ARHGEF3: variants seen among roughly 807,000 people sequenced by gnomAD.
The protein encoded by ARHGEF3 is Rho guanine nucleotide exchange factor 3.
ARHGEF3 carries 28 observed loss-of-function variants against 63.2 expected under a neutral mutation model. The ratio of observed to expected loss-of-function variants is 0.44; its 90% CI spans 0.33 to 0.61. ARHGEF3 has a LOEUF of 0.61. Among genes scored for constraint, ARHGEF3 ranks in the 20% least tolerant of loss-of-function variants. The pLI, the probability that ARHGEF3 is intolerant of heterozygous loss-of-function variation, is 0.03. For synonymous variants in ARHGEF3, 266 were observed against 254.2 expected, an observed-to-expected ratio of 1.05 and a Z score of -0.44; for missense variants, 533 against 659.3, an observed-to-expected ratio of 0.81 and a Z score of 2.10.
upstream of ARHGEF3, chr3:56,801,977 G>A (rs1392546497): frequency 6.6e-7 from 1 of 1,517,264 alleles, no homozygotes; most frequent in Non-Finnish European, 8.8e-7. Context: ...GGGCGGGACC[G>A]TGCCAGCCAC....
chr3:57,014,408 C>A (rs548045429), intron 2 of ARHGEF3, among the ~76,000 whole-genome samples: 1 of 152,286 alleles, frequency 6.6e-6, no homozygotes, highest in Non-Finnish European at 1.5e-5. Flanking sequence ...CACCCCTGTT[C>A]ATCACAACCT....
chr3:56,945,091 A>C (rs1186973217), intron 3 of ARHGEF3, among the ~76,000 whole-genome samples: 1 of 152,194 alleles, frequency 6.6e-6, no homozygotes, highest in Non-Finnish European at 1.5e-5. Context: ...GAGTCAATCA[A>C]TGCAGCAAAT....
chr3:57,040,787 A>G (rs1264156049), intron 1 of ARHGEF3, among the ~76,000 whole-genome samples: 1 of 152,012 alleles, frequency 6.6e-6, no homozygotes, highest in African/African-American at 2.4e-5. Context: ...CTCTGAATGA[A>G]GCAGACCCCA....
intron 1 of ARHGEF3, chr3:56,775,862 G>A (rs2107850376): frequency 4.7e-6 from 1 of 213,654 alleles, no homozygotes; most frequent in East Asian, 1.8e-4. Flanking sequence ...AATGGCTCCT[G>A]CTTTGGGCTG....
chr3:56,859,584 C>A (rs1206566520), intron 4 of ARHGEF3, among the ~76,000 whole-genome samples: 1 of 148,532 alleles, frequency 6.7e-6, no homozygotes, highest in Non-Finnish European at 1.5e-5. Flanking sequence ...GGCTGGAGTG[C>A]AGTGGAGCAG....
rs151204991 is a variant in ARHGEF3, at chr3:56,942,820, G to A, written c.129+16003C>T. Reference sequence around the variant, plus strand: ...GATAAGAAAGCAAAACAGCCTTATCGCTAATAGGGGGAAAGTTTGAGTGGT... The same window carrying A: ...GATAAGAAAGCAAAACAGCCTTATCACTAATAGGGGGAAAGTTTGAGTGGT... On this transcript the variant is annotated intron_variant, in intron 3 of 12. Transcript: ENST00000338458. Among the ~76,000 whole-genome samples, 470 of 152,290 alleles carry A rather than the reference G, an allele frequency of 3.1e-3. 4 individuals carry two copies. The highest frequency in any genetic ancestry group is 0.011 in the African/African-American group (446 of 41,560).
At chr3:56,871,833 C>T (rs2040440110) in intron 4 of ARHGEF3, among the ~76,000 whole-genome samples, 1 of 152,082 alleles carries the variant, frequency 6.6e-6, no homozygotes, top group Non-Finnish European at 1.5e-5. Flanking sequence ...AAATGAGATA[C>T]ATCTTTATTT....
chr3:56,833,531 T>A (rs2038999148), intron 4 of ARHGEF3, among the ~76,000 whole-genome samples: 1 of 152,132 alleles, frequency 6.6e-6, no homozygotes, highest in Admixed American at 6.5e-5. Flanking sequence ...TTGTTGTATA[T>A]AGGTCTAATT....
intron 2 of ARHGEF3, among the ~76,000 whole-genome samples, chr3:56,997,492 C>A (rs1397362826): frequency 6.6e-6 from 1 of 152,118 alleles, no homozygotes; most frequent in Non-Finnish European, 1.5e-5. Context: ...AACTCTGCCC[C>A]CCTAAGAGCT....
chr3:56,781,601 T>G (rs866633066), intron 1 of ARHGEF3, among the ~76,000 whole-genome samples: 2 of 152,190 alleles, frequency 1.3e-5, no homozygotes, highest in Non-Finnish European at 2.9e-5. Flanking sequence ...ACATTTTTTG[T>G]TGTTTTAAGC....
chr3:56,775,367 A>C, intron 1 of ARHGEF3: 9 of 1,071,464 alleles, frequency 8.4e-6, no homozygotes, highest in Non-Finnish European at 1.0e-5. Flanking sequence ...CAGCATTTGC[A>C]TATAAAAATT....
intron 1 of ARHGEF3, among the ~76,000 whole-genome samples, chr3:56,795,090 C>T (rs935234766): frequency 1.3e-5 from 2 of 150,780 alleles, no homozygotes; most frequent in Non-Finnish European, 2.9e-5. Flanking sequence ...GTCTCAAACT[C>T]TTGGGCTCAA....
intron 2 of ARHGEF3, among the ~76,000 whole-genome samples, chr3:57,004,744 T>C (rs1306480081): frequency 6.6e-6 from 1 of 152,068 alleles, no homozygotes; most frequent in Admixed American, 6.6e-5. Flanking sequence ...GGCGGGAGGA[T>C]TGCTTGAGGC....
intron 1 of ARHGEF3, among the ~76,000 whole-genome samples, chr3:57,052,026 T>C (rs1704693491): frequency 6.6e-6 from 1 of 152,018 alleles, no homozygotes; most frequent in Non-Finnish European, 1.5e-5. Context: ...ATCAACTGTA[T>C]GCTAGGCACT....
At chr3:57,031,414 G>A (rs908451735) in intron 2 of ARHGEF3, among the ~76,000 whole-genome samples, 2 of 152,120 alleles carry the variant, frequency 1.3e-5, no homozygotes, top group East Asian at 3.9e-4. Context: ...TCTTTACTGG[G>A]TACTGACTAT....
At chr3:56,920,791 G>A (rs979058208) in intron 3 of ARHGEF3, among the ~76,000 whole-genome samples, 1 of 152,192 alleles carries the variant, frequency 6.6e-6, no homozygotes, top group Non-Finnish European at 1.5e-5. Flanking sequence ...GATGGCTCAT[G>A]CCTGTAATCC....
At chr3:56,776,156 G>A (rs2036275613) in intron 1 of ARHGEF3, among the ~76,000 whole-genome samples, 1 of 152,136 alleles carries the variant, frequency 6.6e-6, no homozygotes, top group Non-Finnish European at 1.5e-5. Context: ...CACTTGCTGT[G>A]TCATCTTTTC....
At chr3:56,812,800 G>A (rs2038116544) in intron 4 of ARHGEF3, among the ~76,000 whole-genome samples, 1 of 152,192 alleles carries the variant, frequency 6.6e-6, no homozygotes, top group South Asian at 2.1e-4. Context: ...AAGGAAGAAG[G>A]AAACTTCTCT....
At chr3:56,772,987 C>T (rs763532816) in intron 2 of ARHGEF3, among the ~76,000 whole-genome samples, 19 of 152,098 alleles carry the variant, frequency 1.2e-4, no homozygotes, top group Non-Finnish European at 2.6e-4. Context: ...ACCCAAGGTA[C>T]TTCCACTCCG....
Sources: gnomAD v4.1 joint callset for allele counts (sites outside exome capture counted in the v4.1 genomes callset) on GRCh38, gnomAD v4.1.1 for gene constraint, MANE v1.5 for transcripts, NCBI Gene and HGNC (gene_info 2026-07-23, HGNC 2026-07-21) for gene names.